MYH7B: variants seen among roughly 807,000 people sequenced by gnomAD.
MYH7B encodes the protein myosin-7B.
A neutral mutation model predicts 234.5 loss-of-function variants in MYH7B; 205 were observed. That is an observed-to-expected ratio of 0.87 (90% CI 0.78 to 0.98). The LOEUF is 0.98. Among genes scored for constraint, MYH7B ranks in the 50% least tolerant of loss-of-function variants. The pLI is 0.00. For missense variants in MYH7B, 2,652 were observed against 2,633.4 expected, an observed-to-expected ratio of 1.01 and a Z score of -0.15; for synonymous variants, 1,193 against 1,105.0, an observed-to-expected ratio of 1.08 and a Z score of -1.58.
At chr20:34,960,565 C>CT (rs1403540154) in intron 2 of MYH7B, among the ~76,000 whole-genome samples, 1 of 152,252 alleles carries the variant, frequency 6.6e-6, no homozygotes, top group Non-Finnish European at 1.5e-5. Context: ...TGGAACATCT[C>CT]TGTCAGCCCC....
At chr20:35,002,008 G>A in exon 44 of MYH7B, 2 of 1,614,078 alleles carry the variant, frequency 1.2e-6, no homozygotes, top group Non-Finnish European at 8.5e-7. Context: ...GCTGGATGAT[G>A]CGGAGGAGCG....
At chr20:34,986,735 C>G in intron 14 of MYH7B, 151 bp from the exon 15 acceptor site, 1 of 641,996 alleles carries the variant, frequency 1.6e-6, no homozygotes, top group East Asian at 2.7e-5. Flanking sequence ...GGATGAGAAA[C>G]TTAGGCCCCA....
chr20:35,001,821 A>T (rs2082392579), intron 43 of MYH7B, 127 bp from the exon 44 acceptor site: 1 of 1,405,796 alleles, frequency 7.1e-7, no homozygotes. Flanking sequence ...ATTGGTGAGG[A>T]TGGACAGTGG....
chr20:34,980,303 C>T (rs2147174331), intron 7 of MYH7B: 1 of 394,398 alleles, frequency 2.5e-6, no homozygotes, highest in South Asian at 3.4e-5. Flanking sequence ...AATCCCAGCA[C>T]TTTGGGAGGG....
At chr20:34,987,849 G>A (rs751087982) in exon 18 of MYH7B, 5 of 1,613,314 alleles carry the variant, frequency 3.1e-6, no homozygotes, top group East Asian at 2.2e-5. Context: ...CCAGACCCTG[G>A]ACACAAAGCT....
At chr20:34,958,843 A>G (rs1202973994) in intron 2 of MYH7B, among the ~76,000 whole-genome samples, 4 of 152,270 alleles carry the variant, frequency 2.6e-5, no homozygotes, top group Middle Eastern at 6.8e-3. Flanking sequence ...CTAGAATGTG[A>G]GCCCCATGAA....
chr20:34,977,820 G>T, intron 4 of MYH7B, 114 bp from the exon 5 acceptor site: 1 of 1,503,972 alleles, frequency 6.6e-7, no homozygotes, highest in South Asian at 1.2e-5. Flanking sequence ...CATGTATGCT[G>T]GGCACTCACC....
At chr20:34,975,377 G>T in intron 2 of MYH7B, 23 bp from the exon 3 acceptor site, 1 of 548,676 alleles carries the variant, frequency 1.8e-6, no homozygotes, top group Non-Finnish European at 3.3e-6. Flanking sequence ...GCTAATTTTT[G>T]TTTGTTTGTT....
intron 2 of MYH7B, among the ~76,000 whole-genome samples, chr20:34,958,832 G>A (rs1373296071): frequency 6.6e-6 from 1 of 152,150 alleles, no homozygotes. Flanking sequence ...GTTTCCCTCT[G>A]CTAGAATGTG....
intron 26 of MYH7B, 90 bp downstream of exon 26, chr20:34,993,560 C>T: frequency 7.3e-7 from 1 of 1,373,380 alleles, no homozygotes; most frequent in Non-Finnish European, 9.6e-7. Context: ...ACATGCTGCC[C>T]TGTAGTCAGA....
chr20:34,982,391 T>TGA (rs2081953385), intron 9 of MYH7B, 68 bp from the exon 10 acceptor site: 1 of 1,321,188 alleles, frequency 7.6e-7, no homozygotes, highest in African/African-American at 1.7e-5. Flanking sequence ...GCTTGAGGGG[T>TGA]GAGGCATTGG....
At chr20:34,960,266 T>C (rs1279466815) in intron 2 of MYH7B, among the ~76,000 whole-genome samples, 3 of 152,064 alleles carry the variant, frequency 2.0e-5, no homozygotes, top group Non-Finnish European at 2.9e-5. Flanking sequence ...GATGGAGTCT[T>C]GCTTTGTAGC....
chr20:34,996,676 C>T lies in MYH7B; in HGVS notation c.3184C>T (p.Leu1062=). The T allele has an allele frequency of 3.1e-6, 5 of 1,613,630 alleles. No individual in the cohort carries two copies. The South Asian group carries it at 4.4e-5, about 14-fold the overall frequency. ...GGACACGGAGCGGGCCAAGCGCAAGCTGGAGGGTGACCTGAAGCTGACGCA... is the reference window on the plus strand; with the variant it reads ...GGACACGGAGCGGGCCAAGCGCAAGTTGGAGGGTGACCTGAAGCTGACGCA... Residue 1062 remains leucine (L), a synonymous_variant, in exon 30 of 45, where the codon CTG becomes TTG. Coordinates refer to ENST00000262873, the Ensembl canonical transcript of MYH7B.
At chr20:34,975,878 G>C (rs2081847509) in intron 3 of MYH7B, among the ~76,000 whole-genome samples, 1 of 152,128 alleles carries the variant, frequency 6.6e-6, no homozygotes, top group South Asian at 2.1e-4. Context: ...ACCACCTCTG[G>C]CTAATTTTTT....
At chr20:34,994,258 G>A (rs773341322) in exon 27 of MYH7B, 13 of 1,612,964 alleles carry the variant, frequency 8.1e-6, no homozygotes, top group Non-Finnish European at 1.1e-5. Flanking sequence ...GGCGCAGGCT[G>A]AGGAGGAGCT....
At chr20:34,994,443 G>C (rs751958764) in intron 27 of MYH7B, 42 bp downstream of exon 27, 2 of 1,529,650 alleles carry the variant, frequency 1.3e-6, no homozygotes, top group Non-Finnish European at 1.8e-6. Context: ...CCCCAGCCCC[G>C]AGTACCCCTG....
exon 21 of MYH7B, chr20:34,990,139 C>T: frequency 2.5e-6 from 4 of 1,614,076 alleles, no homozygotes; most frequent in Non-Finnish European, 3.4e-6. Flanking sequence ...ATGCGGGCTC[C>T]TGCTCCAGTG....
rs1301212790 is a variant in MYH7B, at chr20:34,995,224, C to G, written c.2701-112C>G. On this transcript the variant is annotated intron_variant, in intron 27 of 44. Coordinates refer to ENST00000262873, the Ensembl canonical transcript of MYH7B. ...TCAAGACATTCCTGAGTTCTCAGAG[C>G]ACAGCCAAACTTTGCTACAGAGGCA... 4.1e-6 allele frequency: 4 copies of G among 980,966 alleles called. No homozygotes were observed. In the African/African-American group the frequency reaches 9.0e-5, roughly 22 times the overall value. The allele number at this position is 980,966 out of a possible 1,614,324, so 60.8% of individuals were successfully genotyped here.
chr20:34,988,806 C>CTTT (rs36001113), intron 19 of MYH7B, among the ~76,000 whole-genome samples: 4 of 113,234 alleles, frequency 3.5e-5, no homozygotes, highest in Non-Finnish European at 7.1e-5. Context: ...TCCTTTATCC[C>CTTT]TTTTTTTTTT....
Sources: allele counts gnomAD v4.1 joint callset (sites outside exome capture counted in the v4.1 genomes callset), GRCh38; gene constraint gnomAD v4.1.1; transcripts MANE v1.5; gene names NCBI Gene and HGNC (gene_info 2026-07-23, HGNC 2026-07-21).